CMIP: variants seen among roughly 807,000 people sequenced by gnomAD.
The protein encoded by CMIP is C-Maf-inducing protein.
CMIP carries 13 observed loss-of-function variants against 97.3 expected under a neutral mutation model. The observed-to-expected ratio is 0.13, with a 90% CI of 0.09 to 0.21. The LOEUF is 0.21. Ranked by LOEUF, CMIP falls within the 10% of genes least tolerant of loss-of-function variation. CMIP has a pLI of 1.00. For missense variants in CMIP, 847 were observed against 1,024.9 expected (o/e 0.83, Z 2.37); for synonymous variants, 538 against 436.3 (o/e 1.23, Z -2.91).
At chr16:81,660,208 C>T (rs1332055523) in intron 5 of CMIP, among the ~76,000 whole-genome samples, 1 of 152,138 alleles carries the variant, frequency 6.6e-6, no homozygotes, top group Non-Finnish European at 1.5e-5. Context: ...AGACCCCAGC[C>T]ATACTAGCTG....
At chr16:81,467,841 A>G (rs2150743613) in intron 1 of CMIP, among the ~76,000 whole-genome samples, 1 of 149,262 alleles carries the variant, frequency 6.7e-6, no homozygotes, top group Admixed American at 6.7e-5. Context: ...TCGGCCTCCC[A>G]AAGTCCTGGG....
chr16:81,514,624 G>C (rs7198407), intron 1 of CMIP, among the ~76,000 whole-genome samples: 1 of 152,134 alleles, frequency 6.6e-6, no homozygotes, highest in African/African-American at 2.4e-5. Context: ...CTAGTGTTGC[G>C]GTCAATCGCG....
chr16:81,569,536 T>C (rs1039562471), intron 1 of CMIP, among the ~76,000 whole-genome samples: 2 of 152,218 alleles, frequency 1.3e-5, no homozygotes, highest in African/African-American at 4.8e-5. Context: ...CTGCAGGAAC[T>C]GATTCCACAG....
intron 1 of CMIP, among the ~76,000 whole-genome samples, chr16:81,467,029 C>T (rs1385094628): frequency 1.3e-5 from 2 of 152,216 alleles, no homozygotes; most frequent in African/African-American, 4.8e-5. Flanking sequence ...CCCCAAACTG[C>T]CCTTTGAAGC....
At chr16:81,620,966 C>T (rs1455452790) in intron 3 of CMIP, 40 bp downstream of exon 3, 2 of 1,611,386 alleles carry the variant, frequency 1.2e-6, no homozygotes, top group Non-Finnish European at 8.5e-7. Flanking sequence ...GCGACTCAGG[C>T]AGTGGTGCGA....
chr16:81,515,712 T>TTTGCCCTTGGGGTCCGTTCC (rs1462480758), intron 1 of CMIP, among the ~76,000 whole-genome samples: 2 of 152,194 alleles, frequency 1.3e-5, no homozygotes, highest in African/African-American at 4.8e-5. Flanking sequence ...TCTGGGCCTG[T>TTTGCCCTTGGGGTCCGTTCC]TTGCCCTTGG....
chr16:81,447,633 A>G (rs1057260250), intron 1 of CMIP, among the ~76,000 whole-genome samples: 1 of 152,222 alleles, frequency 6.6e-6, no homozygotes, highest in Non-Finnish European at 1.5e-5. Flanking sequence ...TGGCAGAGCC[A>G]TGCTCTGGTG....
chr16:81,597,687 C>G (rs554605818), intron 1 of CMIP, among the ~76,000 whole-genome samples: 51 of 152,252 alleles, frequency 3.3e-4, no homozygotes, highest in South Asian at 1.0e-3. Flanking sequence ...CCGTGGGGCT[C>G]CAGCAGGGGC....
intron 1 of CMIP, among the ~76,000 whole-genome samples, chr16:81,577,366 T>C (rs2091210772): frequency 6.8e-6 from 1 of 146,554 alleles, no homozygotes; most frequent in Non-Finnish European, 1.5e-5. Flanking sequence ...ACCACCATCA[T>C]AACCATCACC....
intron 1 of CMIP, among the ~76,000 whole-genome samples, chr16:81,455,779 C>T (rs1422828404): frequency 1.3e-5 from 2 of 152,182 alleles, no homozygotes; most frequent in African/African-American, 2.4e-5. Flanking sequence ...CCCTGCTACT[C>T]CAAATCCCAG....
At chr16:81,562,877 G>C (rs1471464571) in intron 1 of CMIP, among the ~76,000 whole-genome samples, 1 of 152,210 alleles carries the variant, frequency 6.6e-6, no homozygotes, top group African/African-American at 2.4e-5. Flanking sequence ...GGCAGGATTT[G>C]AACTCAGGGC....
chr16:81,689,461 G>C (rs531106953), intron 10 of CMIP, among the ~76,000 whole-genome samples: 34 of 150,706 alleles, frequency 2.3e-4, no homozygotes, highest in South Asian at 1.1e-3. Flanking sequence ...GTCTTCTTTT[G>C]AGAAGTGTCT....
At chr16:81,495,768 G>A (rs906058365) in intron 1 of CMIP, among the ~76,000 whole-genome samples, 1 of 152,220 alleles carries the variant, frequency 6.6e-6, no homozygotes, top group Non-Finnish European at 1.5e-5. Flanking sequence ...GCCTGCTGTG[G>A]TCAGCCATGG....
intron 1 of CMIP, among the ~76,000 whole-genome samples, chr16:81,477,094 T>G (rs1471379): frequency 4.5e-4 from 69 of 151,916 alleles, no homozygotes; most frequent in Non-Finnish European, 9.1e-4. Context: ...GCTTGAAAAA[T>G]GGCAGCTGGT....
At chr16:81,568,039 G>GTGTGTCTT (rs10629229) in intron 1 of CMIP, among the ~76,000 whole-genome samples, 1 of 82,536 alleles carries the variant, frequency 1.2e-5, no homozygotes, top group African/African-American at 4.7e-5. Flanking sequence ...GTGTGTGTGT[G>GTGTGTCTT]TTTTTTTTTT....
At chr16:81,687,975 C>G (rs1169786787) in intron 10 of CMIP, among the ~76,000 whole-genome samples, 5 of 152,156 alleles carry the variant, frequency 3.3e-5, no homozygotes, top group African/African-American at 1.2e-4. Context: ...TGGGTAGATC[C>G]CATGAGCGAA....
At chr16:81,679,412 G>A (rs577094886) in intron 10 of CMIP, among the ~76,000 whole-genome samples, 20 of 152,222 alleles carry the variant, frequency 1.3e-4, no homozygotes, top group Admixed American at 7.2e-4. Flanking sequence ...TATGTTTGCA[G>A]GTATGTGCAT....
At chr16:81,623,096 T>G (rs2092014458) in intron 3 of CMIP, among the ~76,000 whole-genome samples, 1 of 152,130 alleles carries the variant, frequency 6.6e-6, no homozygotes, top group Admixed American at 6.5e-5. Context: ...CCCAGCTACT[T>G]GGGAGGCTGA....
At chr16:81,501,670 GTC>G (rs2089615700) in intron 1 of CMIP, among the ~76,000 whole-genome samples, 1 of 149,108 alleles carries the variant, frequency 6.7e-6, no homozygotes, top group South Asian at 2.1e-4. Context: ...GGAGTGCAGT[GTC>G]GTGATCTCAG....
Sources: allele counts gnomAD v4.1 joint callset (sites outside exome capture counted in the v4.1 genomes callset), GRCh38; gene constraint gnomAD v4.1.1; transcripts MANE v1.5; gene names NCBI Gene and HGNC (gene_info 2026-07-23, HGNC 2026-07-21).